WWTR1: variants seen among roughly 807,000 people sequenced by gnomAD.
WWTR1 encodes the protein WW domain containing transcription regulator 1, also known as WW domain-containing transcription regulator protein 1.
WWTR1 carries 13 observed loss-of-function variants against 40.1 expected under a neutral mutation model. The ratio of observed to expected loss-of-function variants is 0.32; its 90% CI spans 0.21 to 0.52. The LOEUF (loss-of-function observed/expected upper bound fraction) is 0.52. Among genes scored for constraint, WWTR1 ranks in the 20% least tolerant of loss-of-function variants. The pLI is 0.97. For missense variants in WWTR1, 436 were observed against 523.1 expected (o/e 0.83, Z 1.63); for synonymous variants, 230 against 210.1 (o/e 1.09, Z -0.82).
At chr3:149,717,832 T>C (rs1277227898) in intron 4 of WWTR1, among the ~76,000 whole-genome samples, 1 of 152,144 alleles carries the variant, frequency 6.6e-6, no homozygotes, top group Non-Finnish European at 1.5e-5. Flanking sequence ...AAGACTATGG[T>C]AGCTTGTTAG....
intron 5 of WWTR1, among the ~76,000 whole-genome samples, chr3:149,527,113 C>T (rs1211183983): frequency 1.3e-5 from 2 of 151,350 alleles, no homozygotes; most frequent in African/African-American, 4.9e-5. Context: ...AACTATAGAT[C>T]TTATTCACAT....
At chr3:149,632,269 C>T (rs1711584156) in intron 2 of WWTR1, among the ~76,000 whole-genome samples, 1 of 152,052 alleles carries the variant, frequency 6.6e-6, no homozygotes, top group South Asian at 2.1e-4. Flanking sequence ...CTTGAGGTCC[C>T]TCTGCATTGG....
chr3:149,563,626 G>T (rs1054707884), intron 3 of WWTR1, among the ~76,000 whole-genome samples: 1 of 152,206 alleles, frequency 6.6e-6, no homozygotes, highest in African/African-American at 2.4e-5. Context: ...TAAAAAGTTG[G>T]TGGGCATACT....
intron 1 of WWTR1, among the ~76,000 whole-genome samples, chr3:149,674,936 G>A (rs1165831019): frequency 6.6e-6 from 1 of 152,152 alleles, no homozygotes; most frequent in African/African-American, 2.4e-5. Flanking sequence ...TAAACAAAAG[G>A]GCTAAGTGGA....
intron 4 of WWTR1, among the ~76,000 whole-genome samples, chr3:149,536,591 C>T (rs1180640103): frequency 6.6e-6 from 1 of 152,064 alleles, no homozygotes; most frequent in Non-Finnish European, 1.5e-5. Flanking sequence ...AGCTGGCCCG[C>T]CGCGCCTGGT....
intron 4 of WWTR1, among the ~76,000 whole-genome samples, chr3:149,719,723 T>A (rs2108237286): frequency 6.6e-6 from 1 of 152,256 alleles, no homozygotes; most frequent in African/African-American, 2.4e-5. Context: ...CCATTCTATA[T>A]CCCCCAAACA....
chr3:149,668,325 A>G (rs1305845206), intron 2 of WWTR1, among the ~76,000 whole-genome samples: 2 of 152,164 alleles, frequency 1.3e-5, no homozygotes, highest in African/African-American at 4.8e-5. Context: ...TGGGGCTGTC[A>G]AGAGCTGACT....
At chr3:149,559,328 A>C (rs969006098) in intron 3 of WWTR1, among the ~76,000 whole-genome samples, 7 of 151,704 alleles carry the variant, frequency 4.6e-5, no homozygotes, top group African/African-American at 1.4e-4. Flanking sequence ...AGAAAAGAAA[A>C]AAGAAAAAAA....
At chr3:149,563,396 A>G (rs889321555) in intron 3 of WWTR1, among the ~76,000 whole-genome samples, 1 of 152,144 alleles carries the variant, frequency 6.6e-6, no homozygotes, top group African/African-American at 2.4e-5. Context: ...AGACTTGTAC[A>G]TTTACCCAGT....
At chr3:149,681,631 T>C (rs1714461008) in intron 1 of WWTR1, among the ~76,000 whole-genome samples, 1 of 152,206 alleles carries the variant, frequency 6.6e-6, no homozygotes, top group African/African-American at 2.4e-5. Context: ...CCTATGTTCA[T>C]TGCAGCACTA....
intron 3 of WWTR1, among the ~76,000 whole-genome samples, chr3:149,552,601 T>C (rs1301527681): frequency 2.0e-5 from 3 of 152,238 alleles, no homozygotes; most frequent in African/African-American, 7.2e-5. Context: ...TTCCAGAGCA[T>C]AGTTGCCTGC....
chr3:149,525,738 T>A, intron 6 of WWTR1: 1 of 214,080 alleles, frequency 4.7e-6, no homozygotes, highest in Non-Finnish European at 9.1e-6. Flanking sequence ...TTTTTCAACA[T>A]TTTTACAGAC....
chr3:149,627,374 T>C (rs1180165595), intron 2 of WWTR1, among the ~76,000 whole-genome samples: 1 of 152,134 alleles, frequency 6.6e-6, no homozygotes, highest in Non-Finnish European at 1.5e-5. Context: ...GAATTTATGC[T>C]GAACAATGAA....
chr3:149,714,454 T>C (rs1715551292), intron 5 of WWTR1, among the ~76,000 whole-genome samples: 1 of 152,210 alleles, frequency 6.6e-6, no homozygotes, highest in African/African-American at 2.4e-5. Context: ...AGAGCAAGGA[T>C]GGGGCCAAGC....
At chr3:149,582,005 G>T (rs892871730) in intron 2 of WWTR1, among the ~76,000 whole-genome samples, 1 of 151,928 alleles carries the variant, frequency 6.6e-6, no homozygotes, top group Non-Finnish European at 1.5e-5. Flanking sequence ...ATTTACCAGA[G>T]TTTTGTCCCT....
At chr3:149,563,955 T>C (rs1576563070) in intron 3 of WWTR1, among the ~76,000 whole-genome samples, 1 of 152,196 alleles carries the variant, frequency 6.6e-6, no homozygotes, top group Non-Finnish European at 1.5e-5. Flanking sequence ...GGTTTCGCCA[T>C]GTTGGCCAGG....
At chr3:149,600,977 C>T (rs1739215841) in intron 2 of WWTR1, among the ~76,000 whole-genome samples, 3 of 152,156 alleles carry the variant, frequency 2.0e-5, no homozygotes, top group Non-Finnish European at 4.4e-5. Flanking sequence ...AGTCAAGCCA[C>T]TCCAAATGAC....
At chr3:149,611,377 T>C (rs568409716) in intron 2 of WWTR1, among the ~76,000 whole-genome samples, 8 of 152,294 alleles carry the variant, frequency 5.3e-5, no homozygotes, top group African/African-American at 1.4e-4. Context: ...TATCTATGTA[T>C]TGTCTACAGA....
intron 2 of WWTR1, among the ~76,000 whole-genome samples, chr3:149,617,241 A>T (rs1740017838): frequency 6.6e-6 from 1 of 152,134 alleles, no homozygotes; most frequent in Non-Finnish European, 1.5e-5. Context: ...GCAGAAGGAA[A>T]AACGAACTTT....
Sources: gnomAD v4.1 joint callset for allele counts (sites outside exome capture counted in the v4.1 genomes callset) on GRCh38, gnomAD v4.1.1 for gene constraint, MANE v1.5 for transcripts, NCBI Gene and HGNC (gene_info 2026-07-23, HGNC 2026-07-21) for gene names.